The following CBLN2 variants were observed in gnomAD, a reference collection of about 807,000 sequenced individuals.
CBLN2 encodes cerebellin 2 precursor.
Under a neutral mutation model 15.0 loss-of-function variants are expected in CBLN2, and 7 were observed. That is an observed-to-expected ratio of 0.47 (90% CI 0.27 to 0.88). The LOEUF (loss-of-function observed/expected upper bound fraction) is 0.88. CBLN2 is among the 40% of genes least tolerant of loss of function. The pLI, the probability that CBLN2 is intolerant of heterozygous loss-of-function variation, is 0.14. For missense variants in CBLN2, 242 were observed against 304.5 expected, an observed-to-expected ratio of 0.79 and a Z score of 1.53; for synonymous variants, 149 against 135.2, an observed-to-expected ratio of 1.10 and a Z score of -0.71.
chr18:72,607,540 C>A (rs145681621), intron 1 of CBLN2, among the ~76,000 whole-genome samples: 92 of 152,296 alleles, frequency 6.0e-4, no homozygotes, highest in African/African-American at 2.1e-3. Context: ...GCTTCTAGAG[C>A]ACCCCACCAA....
chr18:72,559,612 T>C (rs1397321098), intron 1 of CBLN2, among the ~76,000 whole-genome samples: 4 of 152,252 alleles, frequency 2.6e-5, no homozygotes, highest in Admixed American at 2.0e-4. Flanking sequence ...TGGGGTTGAT[T>C]GTGTATTTGA....
chr18:72,583,805 G>A (rs1370956348), intron 1 of CBLN2, among the ~76,000 whole-genome samples: 2 of 152,122 alleles, frequency 1.3e-5, no homozygotes, highest in Admixed American at 6.5e-5. Flanking sequence ...ATCATGGCCT[G>A]GCCATCCCAC....
chr18:72,555,608 A>G (rs192608479), intron 1 of CBLN2, among the ~76,000 whole-genome samples: 2 of 152,320 alleles, frequency 1.3e-5, no homozygotes, highest in African/African-American at 4.8e-5. Flanking sequence ...TACTTTTTCC[A>G]TTTAATTTAT....
At chr18:72,602,536 T>A (rs1210238281) in intron 1 of CBLN2, among the ~76,000 whole-genome samples, 1 of 152,188 alleles carries the variant, frequency 6.6e-6, no homozygotes, top group Non-Finnish European at 1.5e-5. Flanking sequence ...GTCAGCTGCA[T>A]GCCAGCTCAT....
intron 1 of CBLN2, among the ~76,000 whole-genome samples, chr18:72,624,313 A>C (rs1301196971): frequency 1.3e-5 from 2 of 151,832 alleles, no homozygotes; most frequent in Non-Finnish European, 1.5e-5. Flanking sequence ...GTAAAACCGC[A>C]TGTTTTTTCC....
intron 1 of CBLN2, among the ~76,000 whole-genome samples, chr18:72,610,306 C>T (rs768037941): frequency 1.3e-5 from 2 of 152,108 alleles, no homozygotes; most frequent in Non-Finnish European, 2.9e-5. Context: ...TCTAGGGTAC[C>T]TACCACTGGG....
At chr18:72,560,964 T>A (rs949791710) in intron 1 of CBLN2, among the ~76,000 whole-genome samples, 2 of 151,836 alleles carry the variant, frequency 1.3e-5, no homozygotes, top group Non-Finnish European at 2.9e-5. Flanking sequence ...AGCCAAGATC[T>A]CGCCACCGTA....
chr18:72,629,612 T>A (rs1273295943), intron 1 of CBLN2, among the ~76,000 whole-genome samples: 1 of 152,164 alleles, frequency 6.6e-6, no homozygotes, highest in Non-Finnish European at 1.5e-5. Context: ...TCATGATTTA[T>A]ATTGACTGAA....
chr18:72,633,597 A>T (rs10439015), intron 1 of CBLN2, among the ~76,000 whole-genome samples: 74,663 of 151,984 alleles, frequency 0.49, 19,154 homozygotes, highest in Middle Eastern at 0.57. Flanking sequence ...AATAATTTCT[A>T]AACATTCTGC....
intron 1 of CBLN2, among the ~76,000 whole-genome samples, chr18:72,613,545 G>C (rs1179835093): frequency 3.9e-5 from 6 of 151,962 alleles, no homozygotes; most frequent in Non-Finnish European, 5.9e-5. Flanking sequence ...GCATGCCCTG[G>C]TGATACAAGC....
At chr18:72,569,640 G>C (rs936428839) in intron 1 of CBLN2, among the ~76,000 whole-genome samples, 4 of 152,116 alleles carry the variant, frequency 2.6e-5, no homozygotes, top group African/African-American at 9.7e-5. Context: ...GATGAAGGGG[G>C]ATCAGGCCCC....
intron 1 of CBLN2, among the ~76,000 whole-genome samples, chr18:72,623,949 G>A (rs189042974): frequency 2.6e-5 from 4 of 152,188 alleles, no homozygotes; most frequent in Admixed American, 6.5e-5. Context: ...TAAATAACTT[G>A]CTCTCTGGGA....
intron 1 of CBLN2, among the ~76,000 whole-genome samples, chr18:72,595,667 C>G (rs551574705): frequency 1.3e-5 from 2 of 152,072 alleles, no homozygotes; most frequent in East Asian, 3.9e-4. Flanking sequence ...CTCTCTTTAG[C>G]ACAAATATTA....
At position 72,544,110 on chromosome 18, in the gene CBLN2, G is replaced by A. The variant is rs1311086415; in HGVS notation, c.-345C>T. ...TCCCTCCAAGTCTTAATATTGAATG[G>A]CGTGACCACTTTCATAATGACAGGA... On this transcript the variant is annotated 5_prime_UTR_variant, in exon 1 of 5. Transcript: ENST00000269503. 6.6e-6 allele frequency: 1 copy of A among 151,274 alleles called. No homozygotes were observed. Among genetic ancestry groups the A allele is most frequent in the African/African-American group, 2.4e-5 (1 of 41,136 alleles). The allele number at this position is 151,274 out of a possible 1,614,324, so 9.4% of individuals were successfully genotyped here. A position where few individuals can be genotyped will look rare whatever the true frequency, so the allele number is the denominator to read the frequency against.
rs761819356 is a variant in CBLN2 at position 72,541,794 on chromosome 18, G to A, written c.357+10C>T. The A allele has an allele frequency of 2.0e-6, 3 of 1,520,074 alleles. No homozygotes were observed. Among genetic ancestry groups the A allele is most frequent in the Non-Finnish European group, 2.6e-6 (3 of 1,134,152 alleles). 94.2% of individuals were successfully genotyped at this position (1,520,074 alleles called of 1,614,324 possible). On this transcript the variant is annotated intron_variant, in intron 3 of 4. Coordinates refer to ENST00000269503, the MANE Select transcript of CBLN2 (RefSeq NM_182511.4). ...GGGCTGGGGGCGGGGTGGGCAGGCCGACGGCTGACCTGGTCGAAATAGATG... is the reference window on the plus strand; with the variant it reads ...GGGCTGGGGGCGGGGTGGGCAGGCCAACGGCTGACCTGGTCGAAATAGATG...
intron 1 of CBLN2, among the ~76,000 whole-genome samples, chr18:72,595,885 A>C (rs187743396): frequency 6.6e-6 from 1 of 151,808 alleles, no homozygotes; most frequent in African/African-American, 2.4e-5. Context: ...GTCTTTTTCC[A>C]TTCCCTTATT....
intron 1 of CBLN2, among the ~76,000 whole-genome samples, chr18:72,623,559 G>A (rs1406428976): frequency 6.6e-6 from 1 of 152,088 alleles, no homozygotes; most frequent in Non-Finnish European, 1.5e-5. Context: ...CTCTGGATCT[G>A]AAGAAGCCCT....
intron 1 of CBLN2, among the ~76,000 whole-genome samples, chr18:72,574,464 G>T (rs1464476520): frequency 6.6e-6 from 1 of 152,160 alleles, no homozygotes; most frequent in Non-Finnish European, 1.5e-5. Flanking sequence ...GAAGGGGGCT[G>T]TGGCCGAGAA....
intron 1 of CBLN2, among the ~76,000 whole-genome samples, chr18:72,608,196 C>G (rs1255353281): frequency 1.3e-5 from 2 of 152,190 alleles, no homozygotes; most frequent in Non-Finnish European, 2.9e-5. Flanking sequence ...AGAAAGAAAA[C>G]TCCTTCGTAA....
Sources: gnomAD v4.1 joint callset for allele counts (sites outside exome capture counted in the v4.1 genomes callset) on GRCh38, gnomAD v4.1.1 for gene constraint, MANE v1.5 for transcripts, NCBI Gene and HGNC (gene_info 2026-07-23, HGNC 2026-07-21) for gene names.